Variants in HS2ST1 observed in about 807,000 individuals in gnomAD.
HS2ST1 encodes heparan sulfate 2-O-sulfotransferase 1.
HS2ST1 carries 18 observed loss-of-function variants against 42.9 expected under a neutral mutation model. The observed-to-expected ratio is 0.42, with a 90% CI of 0.29 to 0.62. HS2ST1 has a LOEUF of 0.62. HS2ST1 is among the 20% of genes least tolerant of loss of function. The pLI is 0.21. For synonymous variants in HS2ST1, 146 were observed against 152.9 expected (o/e 0.95, Z 0.33); for missense variants, 334 against 433.8 (o/e 0.77, Z 2.04).
At chr1:86,951,835 T>G (rs1042299905) in intron 1 of HS2ST1, among the ~76,000 whole-genome samples, 2 of 152,240 alleles carry the variant, frequency 1.3e-5, no homozygotes, top group Non-Finnish European at 2.9e-5. Context: ...TCCTTTGTTG[T>G]CATTTCAGCA....
intron 1 of HS2ST1, among the ~76,000 whole-genome samples, chr1:86,968,595 AG>A (rs1648133180): frequency 2.0e-5 from 3 of 151,758 alleles, no homozygotes; most frequent in Admixed American, 2.0e-4. Flanking sequence ...TGTAGAAATG[AG>A]GTCTCACTAT....
chr1:87,024,732 C>T (rs1196054065), intron 1 of HS2ST1, among the ~76,000 whole-genome samples: 1 of 152,052 alleles, frequency 6.6e-6, no homozygotes, highest in Non-Finnish European at 1.5e-5. Context: ...TGACAATTGC[C>T]ATTGAAATAG....
In HS2ST1 at chr1:87,072,960, C is replaced by T. The variant is rs865888400; in HGVS notation, c.151C>T (p.Arg51Ter). ...AAGGGCTATTGCAAGACACGAAGTC[C>T]GAGAAATTGAGCAGCGACATACAAT... is the stretch of plus-strand genomic sequence containing the variant. ...LERAIARHEV[R>*]EIEQRHTMDG... is the part of the protein sequence containing the mutation. The change falls in exon 2 of 7, where the codon CGA (arginine) becomes TGA (stop). Residue 51 changes from arginine (R) to a stop codon, truncating the protein, a stop_gained. Coordinates refer to ENST00000370550, the MANE Select transcript of HS2ST1 (RefSeq NM_012262.4). LOFTEE classifies it high-confidence loss of function. 1.9e-6 allele frequency: 3 copies of T among 1,613,884 alleles called. No homozygotes were observed. The highest frequency in any genetic ancestry group is 2.5e-6 in the Non-Finnish European group (3 of 1,179,930).
At chr1:87,098,667 T>G (rs1234326599) in intron 5 of HS2ST1, among the ~76,000 whole-genome samples, 1 of 152,232 alleles carries the variant, frequency 6.6e-6, no homozygotes, top group Non-Finnish European at 1.5e-5. Context: ...CTCATAATAG[T>G]ATAAGAATTG....
At chr1:87,092,249 A>T (rs962382438) in intron 3 of HS2ST1, among the ~76,000 whole-genome samples, 1 of 152,190 alleles carries the variant, frequency 6.6e-6, no homozygotes, top group Non-Finnish European at 1.5e-5. Flanking sequence ...AATGTTTTAT[A>T]TAATTCTTGC....
intron 4 of HS2ST1, among the ~76,000 whole-genome samples, 157 bp from the exon 5 acceptor site, chr1:87,097,681 C>T (rs1171114414): frequency 6.6e-6 from 1 of 152,114 alleles, no homozygotes; most frequent in Non-Finnish European, 1.5e-5. Context: ...TGTGAGCCAC[C>T]GTGCCCAACT....
At chr1:87,013,918 A>G (rs1649676169) in intron 1 of HS2ST1, among the ~76,000 whole-genome samples, 2 of 152,186 alleles carry the variant, frequency 1.3e-5, no homozygotes, top group South Asian at 2.1e-4. Context: ...GCTAAAACAT[A>G]GTAAGAGTCA....
At chr1:87,003,988 G>T (rs1384989838) in intron 1 of HS2ST1, among the ~76,000 whole-genome samples, 1 of 152,096 alleles carries the variant, frequency 6.6e-6, no homozygotes, top group Non-Finnish European at 1.5e-5. Flanking sequence ...CAGCTAACTT[G>T]TTACATTTTT....
intron 1 of HS2ST1, among the ~76,000 whole-genome samples, chr1:87,042,709 T>G (rs1487485345): frequency 6.6e-6 from 1 of 152,128 alleles, no homozygotes; most frequent in Non-Finnish European, 1.5e-5. Context: ...TTATTTAGTG[T>G]TTCCAGAATA....
At chr1:86,946,467 C>T (rs1436732701) in intron 1 of HS2ST1, among the ~76,000 whole-genome samples, 1 of 152,130 alleles carries the variant, frequency 6.6e-6, no homozygotes, top group African/African-American at 2.4e-5. Flanking sequence ...TGTAGATCAC[C>T]ACCATAACAG....
chr1:86,940,484 A>C (rs1660737012), intron 1 of HS2ST1, among the ~76,000 whole-genome samples: 1 of 152,226 alleles, frequency 6.6e-6, no homozygotes, highest in African/African-American at 2.4e-5. Context: ...CTGCATGTTT[A>C]AGAGTTTCTT....
At chr1:86,919,967 A>G (rs1377433538) in intron 1 of HS2ST1, among the ~76,000 whole-genome samples, 1 of 152,238 alleles carries the variant, frequency 6.6e-6, no homozygotes, top group Non-Finnish European at 1.5e-5. Context: ...TTACTATAAA[A>G]TGTCAGAATT....
At chr1:86,947,742 G>C (rs778802455) in intron 1 of HS2ST1, among the ~76,000 whole-genome samples, 7 of 152,116 alleles carry the variant, frequency 4.6e-5, no homozygotes, top group Non-Finnish European at 1.0e-4. Context: ...TATATGCTGG[G>C]TGTGTTTATA....
In HS2ST1 at chr1:86,914,970, C is replaced by G; in HGVS notation, c.-67C>G. 6.3e-7 allele frequency: 1 copy of G among 1,597,860 alleles called. No homozygotes were observed. Among genetic ancestry groups the G allele is most frequent in the Non-Finnish European group, 8.5e-7 (1 of 1,173,560 alleles). ...CGGCTCGGCGGGCTCCTCCCGGCGT[C>G]TCTCTCGCCTCCGGGGTCCCGCTCC... On this transcript the variant is annotated 5_prime_UTR_variant, in exon 1 of 7. Coordinates refer to ENST00000370550, the MANE Select transcript of HS2ST1 (RefSeq NM_012262.4).
chr1:86,991,511 A>G (rs1251418142), intron 1 of HS2ST1, among the ~76,000 whole-genome samples: 1 of 152,196 alleles, frequency 6.6e-6, no homozygotes, highest in Non-Finnish European at 1.5e-5. Context: ...ATAGTAGGTT[A>G]TAATGTATTT....
intron 1 of HS2ST1, among the ~76,000 whole-genome samples, chr1:87,022,377 A>G (rs1231199991): frequency 1.3e-5 from 2 of 152,174 alleles, no homozygotes; most frequent in Non-Finnish European, 2.9e-5. Flanking sequence ...ATAGTTCAAC[A>G]TATATGTTCC....
rs1649275780 is a variant in HS2ST1 at position 87,001,232 on chromosome 1, TCCTCATAATCCATTGC to T, written c.125-71701_125-71686del. ...TTTGGATTTACTGTACACAGGCTAC[TCCTCATAATCCATTGC>T]TTATCTTTTTGAACCAAGTTCCTAT... On this transcript the variant is annotated intron_variant, in intron 1 of 6. Coordinates refer to ENST00000370550, the MANE Select transcript of HS2ST1 (RefSeq NM_012262.4). 4.6e-5 allele frequency among the ~76,000 whole-genome samples: 7 copies of T among 152,240 alleles called. No homozygotes were observed. The South Asian group carries it at 1.5e-3, about 32-fold the overall frequency.
intron 1 of HS2ST1, among the ~76,000 whole-genome samples, chr1:87,071,560 C>G (rs1428451576): frequency 1.3e-5 from 2 of 151,998 alleles, no homozygotes; most frequent in African/African-American, 4.8e-5. Context: ...GAAACCGTGT[C>G]TCTACTAAAA....
rs1652308182 is a variant in HS2ST1, at chr1:87,105,517, A to G, written c.*821A>G. The G allele has an allele frequency of 6.6e-6, 1 of 152,316 alleles. No individual in the cohort carries two copies. Among genetic ancestry groups the G allele is most frequent in the Admixed American group, 6.6e-5 (1 of 15,260 alleles). 9.4% of individuals were successfully genotyped at this position (152,316 alleles called of 1,614,324 possible). On this transcript the variant is annotated 3_prime_UTR_variant, in exon 7 of 7. Coordinates refer to ENST00000370550, the MANE Select transcript of HS2ST1 (RefSeq NM_012262.4). ...TAAACTGAGATATCGGTGACTCCGT[A>G]TTATGACTCCATTAGTGAGCTGTGG...
Sources: allele counts gnomAD v4.1 joint callset (sites outside exome capture counted in the v4.1 genomes callset), GRCh38; gene constraint gnomAD v4.1.1; transcripts MANE v1.5; gene names NCBI Gene and HGNC (gene_info 2026-07-23, HGNC 2026-07-21).